Variants in FSTL5 observed in about 807,000 individuals in gnomAD.
FSTL5 encodes the protein follistatin-related protein 5.
In FSTL5, 62 loss-of-function variants were observed where a neutral mutation model predicts 89.1. The observed-to-expected ratio is 0.70, with a 90% CI of 0.57 to 0.86. FSTL5 has a LOEUF of 0.86. Among genes scored for constraint, FSTL5 ranks in the 40% least tolerant of loss-of-function variants. The pLI, the probability that FSTL5 is intolerant of heterozygous loss-of-function variation, is 0.00. For synonymous variants in FSTL5, 383 were observed against 346.2 expected (o/e 1.11, Z -1.18); for missense variants, 1,057 against 1,001.6 (o/e 1.06, Z -0.75).
In FSTL5 at chr4:161,519,292, C is replaced by T. The variant is rs539139593; in HGVS notation, c.1313-8868G>A. 5.3e-5 allele frequency among the ~76,000 whole-genome samples: 8 copies of T among 152,100 alleles called. No homozygotes were observed. The East Asian group carries it at 9.7e-4, about 18-fold the overall frequency. On this transcript the variant is annotated intron_variant, in intron 10 of 15. Transcript: ENST00000306100. ...TTGTAATCCCAGCACTTTGGGAGAC[C>T]GGGGTGAATGGATCACCAGGTCAGG...
intron 5 of FSTL5, 118 bp downstream of exon 5, chr4:161,775,760 A>G: frequency 1.9e-6 from 1 of 516,416 alleles, no homozygotes; most frequent in Non-Finnish European, 3.3e-6. Context: ...TTATTCATAT[A>G]CTTTTCAATA....
intron 6 of FSTL5, among the ~76,000 whole-genome samples, chr4:161,727,781 A>G (rs1739470708): frequency 6.6e-6 from 1 of 152,230 alleles, no homozygotes; most frequent in Non-Finnish European, 1.5e-5. Context: ...GTGGCAACAA[A>G]TAAAAAGTGT....
At chr4:161,761,392 A>G (rs1740797035) in intron 5 of FSTL5, among the ~76,000 whole-genome samples, 1 of 152,174 alleles carries the variant, frequency 6.6e-6, no homozygotes, top group African/African-American at 2.4e-5. Flanking sequence ...AGTGTGCGCG[A>G]TTCTACCGCC....
intron 2 of FSTL5, among the ~76,000 whole-genome samples, chr4:162,053,411 T>C (rs1039022542): frequency 3.3e-5 from 5 of 151,802 alleles, no homozygotes; most frequent in African/African-American, 1.2e-4. Flanking sequence ...GCGCTTCATC[T>C]TTGAGAATCT....
In FSTL5 at chr4:161,393,743, T is replaced by A. The variant is rs192442467; in HGVS notation, c.1842-7294A>T. Among the ~76,000 whole-genome samples, 313 of 152,278 alleles carry A rather than the reference T, an allele frequency of 2.1e-3. 3 individuals carry two copies. Among genetic ancestry groups the A allele is most frequent in the African/African-American group, 7.2e-3 (299 of 41,574 alleles). On this transcript the variant is annotated intron_variant, in intron 15 of 15. Transcript: ENST00000306100. ...ATGAAGCTGTTACCACTGCTGGTCCTGGAAGAAAGGAGCTATTTGCAAATG... is the reference window on the plus strand; with the variant it reads ...ATGAAGCTGTTACCACTGCTGGTCCAGGAAGAAAGGAGCTATTTGCAAATG...
At chr4:161,646,753 G>C (rs1736167882) in intron 7 of FSTL5, among the ~76,000 whole-genome samples, 1 of 152,096 alleles carries the variant, frequency 6.6e-6, no homozygotes, top group Non-Finnish European at 1.5e-5. Flanking sequence ...TAGATCAACT[G>C]TATATGCTAT....
chr4:161,764,325 C>T (rs1740912222), intron 5 of FSTL5, among the ~76,000 whole-genome samples: 1 of 152,110 alleles, frequency 6.6e-6, no homozygotes, highest in South Asian at 2.1e-4. Context: ...GTGGTGCGAT[C>T]TCGGCTCACT....
At chr4:162,045,630 GCA>G (rs1293069340) in intron 2 of FSTL5, among the ~76,000 whole-genome samples, 3 of 151,924 alleles carry the variant, frequency 2.0e-5, no homozygotes, top group African/African-American at 7.3e-5. Context: ...TATAAAATAA[GCA>G]CATGCTATTT....
intron 3 of FSTL5, among the ~76,000 whole-genome samples, chr4:161,992,859 AAAATATATATATATAT>A (rs1560957266): frequency 0.032 from 474 of 14,802 alleles, 12 homozygotes; most frequent in African/African-American, 0.11. Flanking sequence ...AAAAAAAAAA[AAAATATATATATATAT>A]ATATATATAT....
intron 7 of FSTL5, among the ~76,000 whole-genome samples, chr4:161,598,028 C>T (rs934748664): frequency 6.6e-6 from 1 of 152,120 alleles, no homozygotes; most frequent in South Asian, 2.1e-4. Context: ...TTAAAGGTAT[C>T]AATTATTCCT....
At chr4:161,986,392 A>G (rs1735964281) in intron 3 of FSTL5, among the ~76,000 whole-genome samples, 1 of 152,174 alleles carries the variant, frequency 6.6e-6, no homozygotes, top group Non-Finnish European at 1.5e-5. Flanking sequence ...TCTACTAAAA[A>G]TATAAAATAA....
chr4:161,516,721 ATG>A (rs1491278768), intron 10 of FSTL5, among the ~76,000 whole-genome samples: 4 of 30,526 alleles, frequency 1.3e-4, no homozygotes, highest in Non-Finnish European at 2.2e-4. Flanking sequence ...ATATATATAT[ATG>A]TACACACACA....
At chr4:161,688,474 A>G (rs1422213479) in intron 6 of FSTL5, among the ~76,000 whole-genome samples, 2 of 152,204 alleles carry the variant, frequency 1.3e-5, no homozygotes, top group East Asian at 3.8e-4. Context: ...GCTATACAGA[A>G]TCATTTCTAC....
chr4:161,514,039 G>A (rs953198070), intron 10 of FSTL5, among the ~76,000 whole-genome samples: 28 of 152,006 alleles, frequency 1.8e-4, no homozygotes, highest in African/African-American at 6.5e-4. Context: ...ATTAAGGACC[G>A]TCAATATAAT....
intron 15 of FSTL5, among the ~76,000 whole-genome samples, chr4:161,434,022 T>C (rs962244263): frequency 6.6e-6 from 1 of 152,064 alleles, no homozygotes; most frequent in African/African-American, 2.4e-5. Flanking sequence ...AAAATACCAA[T>C]GACATTCTTC....
intron 8 of FSTL5, among the ~76,000 whole-genome samples, chr4:161,572,524 G>C (rs1733055540): frequency 6.6e-6 from 1 of 152,022 alleles, no homozygotes; most frequent in African/African-American, 2.4e-5. Context: ...CAAGGCTTTA[G>C]GGAAGTGAGG....
chr4:161,390,134 C>CA (rs1479071134), intron 15 of FSTL5, among the ~76,000 whole-genome samples: 4 of 152,128 alleles, frequency 2.6e-5, no homozygotes, highest in African/African-American at 9.7e-5. Context: ...ACTCTACCTC[C>CA]ACCTTCACTA....
intron 2 of FSTL5, among the ~76,000 whole-genome samples, chr4:162,051,520 T>G (rs930122135): frequency 5.3e-5 from 8 of 151,344 alleles, no homozygotes; most frequent in Admixed American, 6.6e-5. Flanking sequence ...ACCAGAGCAT[T>G]TGAGTAGGAA....
chr4:161,718,901 C>G (rs1304850432), intron 6 of FSTL5, among the ~76,000 whole-genome samples: 1 of 152,166 alleles, frequency 6.6e-6, no homozygotes, highest in Non-Finnish European at 1.5e-5. Context: ...TTTATTCTAA[C>G]TAACACAGAT....
Sources: gnomAD v4.1 joint callset for allele counts (sites outside exome capture counted in the v4.1 genomes callset) on GRCh38, gnomAD v4.1.1 for gene constraint, MANE v1.5 for transcripts, NCBI Gene and HGNC (gene_info 2026-07-23, HGNC 2026-07-21) for gene names.